Variants in TRMT10B observed in about 807,000 individuals in gnomAD.
TRMT10B encodes tRNA methyltransferase 10 homolog B.
A neutral mutation model predicts 43.8 loss-of-function variants in TRMT10B; 33 were observed. The ratio of observed to expected loss-of-function variants is 0.75; its 90% CI spans 0.57 to 1.01. The LOEUF (loss-of-function observed/expected upper bound fraction) is 1.01, where lower values mean the gene tolerates loss of function less well. TRMT10B is among the 50% of genes least tolerant of loss of function. The pLI, the probability that TRMT10B is intolerant of heterozygous loss-of-function variation, is 0.00. For synonymous variants in TRMT10B, 137 were observed against 130.6 expected (o/e 1.05, Z -0.34); for missense variants, 362 against 369.8 (o/e 0.98, Z 0.17).
chr9:37,774,689 A>C (rs1016592250), intron 7 of TRMT10B, among the ~76,000 whole-genome samples: 3 of 152,156 alleles, frequency 2.0e-5, no homozygotes, highest in African/African-American at 4.8e-5. Flanking sequence ...TATCCTTTCA[A>C]ATAAGTCCCT....
chr9:37,775,665 C>T (rs975950201), intron 7 of TRMT10B, among the ~76,000 whole-genome samples: 1 of 152,150 alleles, frequency 6.6e-6, no homozygotes, highest in African/African-American at 2.4e-5. Flanking sequence ...TCCAGAGTAG[C>T]TGGGACTACA....
intron 1 of TRMT10B, among the ~76,000 whole-genome samples, chr9:37,761,497 G>C (rs983126016): frequency 6.6e-6 from 1 of 152,102 alleles, no homozygotes. Flanking sequence ...TCAGGAGTCC[G>C]AGACCAGCCT....
In TRMT10B at chr9:37,762,666, C is replaced by A; in HGVS notation, c.276C>A (p.Ala92=). 1 of 1,586,786 alleles carries A rather than the reference C, an allele frequency of 6.3e-7. No homozygotes were observed. Among genetic ancestry groups the A allele is most frequent in the Non-Finnish European group, 8.6e-7 (1 of 1,165,020 alleles). ...AGCAAGAAAAAGAACGAAGAAAAGC[C>A]AATCGTGCAGAAAATCCAGGTGACA... The part of the protein sequence containing the change: ...KRKQEKERRK[A]NRAENPGICP... The change falls in exon 3 of 9, where the codon GCC becomes GCA. Residue 92 remains alanine (A), a synonymous_variant. Coordinates refer to ENST00000297994, the MANE Select transcript of TRMT10B (RefSeq NM_144964.4).
At chr9:37,768,797 G>A (rs1433059092) in intron 5 of TRMT10B, among the ~76,000 whole-genome samples, 5 of 152,328 alleles carry the variant, frequency 3.3e-5, no homozygotes, top group East Asian at 1.9e-4. Context: ...TGCATTGCGC[G>A]GGGCTGCACA....
intron 4 of TRMT10B, among the ~76,000 whole-genome samples, chr9:37,767,766 ATAACT>A (rs1402015370): frequency 6.6e-6 from 1 of 152,148 alleles, no homozygotes; most frequent in Non-Finnish European, 1.5e-5. Context: ...AACCTCTTTA[ATAACT>A]TAAATAGTAT....
chr9:37,769,857 C>A, intron 5 of TRMT10B, 84 bp from the exon 6 acceptor site: 4 of 1,033,578 alleles, frequency 3.9e-6, no homozygotes, highest in Non-Finnish European at 4.6e-6. Context: ...TCCACCTTAG[C>A]CTCCCAAAGT....
At chr9:37,758,590 C>T (rs1246481384) in intron 1 of TRMT10B, among the ~76,000 whole-genome samples, 1 of 152,110 alleles carries the variant, frequency 6.6e-6, no homozygotes, top group Non-Finnish European at 1.5e-5. Flanking sequence ...TGTTTATGTT[C>T]ACAGCCTAAA....
At chr9:37,768,253 TG>T in intron 5 of TRMT10B, 25 bp downstream of exon 5, 1 of 1,585,592 alleles carries the variant, frequency 6.3e-7, no homozygotes, top group South Asian at 1.2e-5. Flanking sequence ...GCATATTATT[TG>T]AATTGTCATC....
At chr9:37,756,775 C>T (rs1387948012) in intron 1 of TRMT10B, among the ~76,000 whole-genome samples, 1 of 150,066 alleles carries the variant, frequency 6.7e-6, no homozygotes, top group East Asian at 2.0e-4. Context: ...CACATATATA[C>T]ATATGTGTAT....
chr9:37,777,681 T>TAG lies in TRMT10B; in HGVS notation c.926_927insGA (p.Tyr309Ter). The TAG allele has an allele frequency of 1.9e-6, 3 of 1,613,990 alleles. No individual in the cohort carries two copies. Among genetic ancestry groups the TAG allele is most frequent in the Non-Finnish European group, 2.5e-6 (3 of 1,179,930 alleles). Residue 309 changes from tyrosine (Y) to a stop codon, truncating the protein, a stop_gained and frameshift_variant, in exon 9 of 9, where the codon TAT (tyrosine) becomes TAGAT (stop). Transcript: ENST00000297994. LOFTEE classifies it high-confidence loss of function. ...LKKGVSSGKG[Y>*]ILRNSVE The stretch of plus-strand genomic sequence containing the variant: ...GAAAGGAGTTTCTTCAGGAAAAGGC[T>TAG]ATATTCTTCGGAACTCAGTGGAATG...
intron 1 of TRMT10B, among the ~76,000 whole-genome samples, chr9:37,760,343 G>A (rs1382674797): frequency 2.6e-5 from 4 of 152,072 alleles, no homozygotes; most frequent in African/African-American, 9.7e-5. Flanking sequence ...TTTAAATAGG[G>A]GTTGACCCCT....
chr9:37,769,181 G>A (rs1446308682), intron 5 of TRMT10B, among the ~76,000 whole-genome samples: 2 of 151,622 alleles, frequency 1.3e-5, no homozygotes, highest in African/African-American at 2.4e-5. Context: ...AGTGGTGCGC[G>A]CCTGTAGTCC....
At position 37,778,209 on chromosome 9, in the gene TRMT10B, A is replaced by C. The variant is rs117790370; in HGVS notation, c.*502A>C. 8.5e-3 allele frequency: 1,314 copies of C among 154,384 alleles called. 4 individuals carry two copies. The highest frequency in any genetic ancestry group is 0.014 in the Non-Finnish European group (963 of 69,672). The allele number at this position is 154,384 out of a possible 1,614,324, so 9.6% of individuals were successfully genotyped here. A position where few individuals can be genotyped will look rare whatever the true frequency, so the allele number is the denominator to read the frequency against. ...TGCCTGGCTCACAGGAAGTGCTCAG[A>C]TATGTTAAGTAATAAAAAGTTAATG... On this transcript the variant is annotated 3_prime_UTR_variant, in exon 9 of 9. Transcript: ENST00000297994.
At chr9:37,769,622 T>G (rs1335480961) in intron 5 of TRMT10B, 7 of 235,350 alleles carry the variant, frequency 3.0e-5, no homozygotes, top group Non-Finnish European at 5.8e-5. Context: ...AGCGGGGTTT[T>G]TTTTTTTTTT....
chr9:37,754,595 A>G (rs116781210), intron 1 of TRMT10B, among the ~76,000 whole-genome samples: 66 of 152,120 alleles, frequency 4.3e-4, no homozygotes, highest in East Asian at 2.9e-3. Flanking sequence ...AATTCTTCCA[A>G]TTCTTCCCTG....
At chr9:37,763,143 C>CAAAAAAAAAA (rs747893643) in intron 3 of TRMT10B, among the ~76,000 whole-genome samples, 13 of 50,172 alleles carry the variant, frequency 2.6e-4, no homozygotes, top group South Asian at 7.4e-4. Context: ...GACTCTGTCT[C>CAAAAAAAAAA]AAAAAAAAAA....
At chr9:37,770,049 GC>G (rs1563999790) in intron 6 of TRMT10B, 30 bp downstream of exon 6, 1 of 1,567,860 alleles carries the variant, frequency 6.4e-7, no homozygotes, top group Non-Finnish European at 8.8e-7. Flanking sequence ...GATTCGTATA[GC>G]CCATTGTTCC....
intron 7 of TRMT10B, among the ~76,000 whole-genome samples, chr9:37,772,258 T>A (rs769305107): frequency 6.6e-5 from 10 of 152,028 alleles, no homozygotes; most frequent in Admixed American, 2.6e-4. Context: ...AGCAATCTAC[T>A]CACCTCAGCC....
chr9:37,773,902 G>T (rs1272268834), intron 7 of TRMT10B, among the ~76,000 whole-genome samples: 2 of 150,794 alleles, frequency 1.3e-5, no homozygotes, highest in Admixed American at 6.6e-5. Context: ...AGAGAACTGT[G>T]GTCACACCAC....
Sources: allele counts gnomAD v4.1 joint callset (sites outside exome capture counted in the v4.1 genomes callset), GRCh38; gene constraint gnomAD v4.1.1; transcripts MANE v1.5; gene names NCBI Gene and HGNC (gene_info 2026-07-23, HGNC 2026-07-21).